The following PAPSS2 variants were observed in gnomAD, a reference collection of about 807,000 sequenced individuals.
The protein encoded by PAPSS2 is bifunctional 3'-phosphoadenosine 5'-phosphosulfate synthase 2.
PAPSS2 carries 61 observed loss-of-function variants against 66.5 expected under a neutral mutation model. That is an observed-to-expected ratio of 0.92 (90% CI 0.75 to 1.14). PAPSS2 has a LOEUF of 1.14. Ranked by LOEUF, PAPSS2 falls within the 50% of genes most tolerant of loss-of-function variation. The probability of loss-of-function intolerance (pLI) is 0.00; values close to 1 mark genes in which losing one functional copy is unlikely to be tolerated. For missense variants in PAPSS2, 708 were observed against 789.6 expected, an observed-to-expected ratio of 0.90 and a Z score of 1.24; for synonymous variants, 289 against 287.5, an observed-to-expected ratio of 1.01 and a Z score of -0.05.
intron 1 of PAPSS2, among the ~76,000 whole-genome samples, chr10:87,695,907 C>G (rs981739896): frequency 5.9e-5 from 9 of 152,204 alleles, no homozygotes; most frequent in African/African-American, 2.2e-4. Context: ...AAATATCAGT[C>G]TCACAGGTCA....
At chr10:87,688,922 G>T (rs992075383) in intron 1 of PAPSS2, among the ~76,000 whole-genome samples, 4 of 151,844 alleles carry the variant, frequency 2.6e-5, no homozygotes, top group Non-Finnish European at 5.9e-5. Context: ...AGAATAATTG[G>T]AGTCCCACCT....
At position 87,747,181 on chromosome 10, in the gene PAPSS2, T is replaced by C. The variant is rs1359083726; in HGVS notation, c.*1211T>C. The C allele has an allele frequency of 1.3e-5, 2 of 150,640 alleles. No homozygotes were observed. Among genetic ancestry groups the C allele is most frequent in the African/African-American group, 4.9e-5 (2 of 40,616 alleles). 9.3% of individuals were successfully genotyped at this position (150,640 alleles called of 1,614,324 possible). A position where few individuals can be genotyped will look rare whatever the true frequency, so the allele number is the denominator to read the frequency against. On this transcript the variant is annotated 3_prime_UTR_variant, in exon 13 of 13. Transcript: ENST00000456849. The stretch of plus-strand genomic sequence containing the variant: ...CTGAACTGCACTGATTTTATTGCAG[T>C]TGAAAAAAAAAAAAAGCTATTCCAA...
intron 1 of PAPSS2, among the ~76,000 whole-genome samples, chr10:87,671,326 G>T (rs1852875667): frequency 6.6e-6 from 1 of 152,164 alleles, no homozygotes; most frequent in Non-Finnish European, 1.5e-5. Flanking sequence ...TTTCCTTAGG[G>T]GCTTTTTGTA....
intron 7 of PAPSS2, among the ~76,000 whole-genome samples, chr10:87,717,951 C>T (rs1474720976): frequency 6.6e-6 from 1 of 152,190 alleles, no homozygotes; most frequent in African/African-American, 2.4e-5. Context: ...TAGGCAAAAT[C>T]TCTAGCCTTT....
Position 87,676,872 on chromosome 10 carries a change from C to CAAAAAAAAA in PAPSS2, c.27+16895_27+16903dup, listed in dbSNP as rs71019493. Among the ~76,000 whole-genome samples, 20 of 31,368 alleles carry CAAAAAAAAA rather than the reference C, an allele frequency of 6.4e-4. 3 individuals carry two copies. The highest frequency in any genetic ancestry group is 1.9e-3 in the African/African-American group (17 of 9,188). 20.6% of individuals were successfully genotyped at this position (31,368 alleles called of 152,430 possible). A position where few individuals can be genotyped will look rare whatever the true frequency, so the allele number is the denominator to read the frequency against. The stretch of plus-strand genomic sequence containing the variant: ...TGGATGACAGAATGAGACCCTGTCT[C>CAAAAAAAAA]AAAAAAAAAAAAAAAAAAAAAAAAA... On this transcript the variant is annotated intron_variant, in intron 1 of 12. Transcript: ENST00000456849.
At chr10:87,707,568 T>C (rs1168127941) in intron 1 of PAPSS2, among the ~76,000 whole-genome samples, 7 of 57,440 alleles carry the variant, frequency 1.2e-4, no homozygotes, top group South Asian at 1.7e-3. Context: ...TTTTTTCTTT[T>C]TTTTTTTTTT....
chr10:87,698,699 G>A (rs956084457), intron 1 of PAPSS2, among the ~76,000 whole-genome samples: 1 of 152,050 alleles, frequency 6.6e-6, no homozygotes, highest in African/African-American at 2.4e-5. Context: ...AAATACTTAC[G>A]AACGATATTT....
rs111631774 is a variant in PAPSS2, at chr10:87,746,116, A to ATAT, written c.*146_*147insTAT. 15 of 597,876 alleles carry ATAT rather than the reference A, an allele frequency of 2.5e-5. No homozygotes were observed. In the East Asian group the frequency reaches 3.6e-4, roughly 15 times the overall value. The allele number at this position is 597,876 out of a possible 1,614,324, so 37.0% of individuals were successfully genotyped here. On this transcript the variant is annotated 3_prime_UTR_variant, in exon 13 of 13. Coordinates refer to ENST00000456849, the MANE Select transcript of PAPSS2 (RefSeq NM_001015880.2). ...AAAGTTGTGTCTATAATTAAAAAAA[A>ATAT]ATATATATATATACACACACACATA...
At chr10:87,671,465 C>T (rs1206832922) in intron 1 of PAPSS2, among the ~76,000 whole-genome samples, 1 of 152,180 alleles carries the variant, frequency 6.6e-6, no homozygotes, top group African/African-American at 2.4e-5. Context: ...CAACATTTCA[C>T]CTTAAGAATA....
At chr10:87,720,992 G>A (rs74146358) in intron 7 of PAPSS2, among the ~76,000 whole-genome samples, 9 of 152,134 alleles carry the variant, frequency 5.9e-5, no homozygotes, top group Non-Finnish European at 2.9e-5. Context: ...CAAGACAGGG[G>A]AGCCTTGTGA....
At chr10:87,679,543 C>T (rs552405413) in intron 1 of PAPSS2, among the ~76,000 whole-genome samples, 1 of 152,128 alleles carries the variant, frequency 6.6e-6, no homozygotes, top group East Asian at 1.9e-4. Context: ...ACCACATGCA[C>T]CCTGTAAGTA....
chr10:87,723,748 T>TA (rs1404576551), intron 8 of PAPSS2, among the ~76,000 whole-genome samples: 1 of 152,212 alleles, frequency 6.6e-6, no homozygotes, highest in Non-Finnish European at 1.5e-5. Context: ...TGCAAAGTGA[T>TA]ATGCCTGGAA....
intron 9 of PAPSS2, among the ~76,000 whole-genome samples, chr10:87,734,545 C>A (rs972382291): frequency 6.6e-6 from 1 of 151,396 alleles, no homozygotes; most frequent in Non-Finnish European, 1.5e-5. Context: ...CTGCCACTTC[C>A]CCTCTGTAAA....
At chr10:87,660,049 T>C in intron 1 of PAPSS2, 41 bp downstream of exon 1, 1 of 1,594,658 alleles carries the variant, frequency 6.3e-7, no homozygotes, top group Non-Finnish European at 8.6e-7. Flanking sequence ...GCCACCGCAC[T>C]GCACGCGCCG....
At chr10:87,708,377 CT>C (rs1223022515) in intron 1 of PAPSS2, among the ~76,000 whole-genome samples, 1 of 152,148 alleles carries the variant, frequency 6.6e-6, no homozygotes, top group Non-Finnish European at 1.5e-5. Flanking sequence ...AGAAGTAGCC[CT>C]GTGTGTTCAG....
intron 1 of PAPSS2, chr10:87,661,042 A>T (rs772463903): frequency 1.8e-5 from 8 of 455,888 alleles, no homozygotes; most frequent in South Asian, 1.2e-4. Flanking sequence ...ATAGACGTGC[A>T]ATGGACACAT....
At chr10:87,739,284 G>T (rs1313823751) in intron 9 of PAPSS2, among the ~76,000 whole-genome samples, 2 of 152,118 alleles carry the variant, frequency 1.3e-5, no homozygotes, top group Non-Finnish European at 2.9e-5. Flanking sequence ...CCCATTGAGT[G>T]GTCCTGGTAC....
chr10:87,669,741 G>A (rs1019409834), intron 1 of PAPSS2, among the ~76,000 whole-genome samples: 11 of 152,172 alleles, frequency 7.2e-5, no homozygotes, highest in African/African-American at 1.2e-4. Context: ...ACCATCTCGC[G>A]AAGCAAGTTT....
chr10:87,706,108 A>ATATGTGTGTGTGTGTGTG, intron 1 of PAPSS2, among the ~76,000 whole-genome samples: 1 of 52,002 alleles, frequency 1.9e-5, no homozygotes, highest in Non-Finnish European at 3.5e-5. Flanking sequence ...ATATATATAT[A>ATATGTGTGTGTGTGTGTG]TGTGTGTGTG....
Sources: allele counts gnomAD v4.1 joint callset (sites outside exome capture counted in the v4.1 genomes callset), GRCh38; gene constraint gnomAD v4.1.1; transcripts MANE v1.5; gene names NCBI Gene and HGNC (gene_info 2026-07-23, HGNC 2026-07-21).